USP38: variants seen among roughly 807,000 people sequenced by gnomAD.
USP38 encodes the protein ubiquitin specific peptidase 38.
Under a neutral mutation model 94.3 loss-of-function variants are expected in USP38, and 49 were observed. That is an observed-to-expected ratio of 0.52 (90% CI 0.41 to 0.66). The LOEUF is 0.66. Ranked by LOEUF, USP38 falls within the 30% of genes least tolerant of loss-of-function variation. The pLI is 0.00. For synonymous variants in USP38, 468 were observed against 463.6 expected, an observed-to-expected ratio of 1.01 and a Z score of -0.12; for missense variants, 1,128 against 1,229.4, an observed-to-expected ratio of 0.92 and a Z score of 1.23.
Position 143,220,416 on chromosome 4 carries a change from G to A in USP38, c.3089G>A (p.Gly1030Asp). The stretch of plus-strand genomic sequence containing the variant: ...AGCTGTGGACCAACTGGTGGAGGGG[G>A]TGGAGGAGGATTTAATACAGTTGGC... ...PGSCGPTGGG[G>D]GGGFNTVGRL... The change falls in exon 10 of 10, where the codon GGT becomes GAT. Residue 1030 changes from glycine to aspartate, a missense_variant. Coordinates refer to ENST00000307017, the MANE Select transcript of USP38 (RefSeq NM_032557.6). 2.5e-6 allele frequency: 4 copies of A among 1,613,192 alleles called. No homozygotes were observed. Among genetic ancestry groups the A allele is most frequent in the Middle Eastern group, 1.7e-4 (1 of 6,042 alleles).
chr4:143,194,786 G>A (rs910253165), intron 2 of USP38, among the ~76,000 whole-genome samples: 1 of 152,164 alleles, frequency 6.6e-6, no homozygotes, highest in African/African-American at 2.4e-5. Flanking sequence ...GAGATTACAG[G>A]CGTGAGCCAC....
rs1294959676 is a variant in USP38 at position 143,221,637 on chromosome 4, T to C, written c.*1181T>C. 3 of 152,146 alleles carry C rather than the reference T, an allele frequency of 2.0e-5. No individual in the cohort carries two copies. Among genetic ancestry groups the C allele is most frequent in the Non-Finnish European group, 4.4e-5 (3 of 67,984 alleles). 9.4% of individuals were successfully genotyped at this position (152,146 alleles called of 1,614,324 possible). On this transcript the variant is annotated 3_prime_UTR_variant, in exon 10 of 10. Transcript: ENST00000307017. The stretch of plus-strand genomic sequence containing the variant: ...TTCTTTTGCCAGGAAACTGGAAACA[T>C]GTCAGTTCTCCTGGTTCTTGATTAT...
chr4:143,188,671 G>GTCAT lies in USP38; in HGVS notation c.818+720_818+723dup, dbSNP rs576510828. Among the ~76,000 whole-genome samples the GTCAT allele has an allele frequency of 5.9e-4, 90 of 152,092 alleles. No homozygotes were observed. In the East Asian group the frequency reaches 0.016, roughly 26 times the overall value. ...CTTAGCACTTTGGCACTTTTATTCA[G>GTCAT]TCATTCATTCATTTATTCAAACCAC... On this transcript the variant is annotated intron_variant, in intron 2 of 9. Transcript: ENST00000307017.
At chr4:143,207,652 T>G (rs1018343022) in intron 6 of USP38, among the ~76,000 whole-genome samples, 3 of 126,246 alleles carry the variant, frequency 2.4e-5, no homozygotes, top group Non-Finnish European at 4.8e-5. Flanking sequence ...TTTTTTGGTT[T>G]GTTTGTATTT....
rs1483414261 is a variant in USP38 at position 143,203,578 on chromosome 4, G to A, written c.1209+12G>A. On this transcript the variant is annotated intron_variant, in intron 5 of 9. Transcript: ENST00000307017. Reference sequence around the variant, plus strand: ...TGGAGGCAATAAAGGTATGATGATAGTTGTACCAATATTTGTGGAGTTGTG... The same window carrying A: ...TGGAGGCAATAAAGGTATGATGATAATTGTACCAATATTTGTGGAGTTGTG... 3 of 1,601,200 alleles carry A rather than the reference G, an allele frequency of 1.9e-6. No homozygotes were observed. Among genetic ancestry groups the A allele is most frequent in the Non-Finnish European group, 2.6e-6 (3 of 1,176,068 alleles).
chr4:143,207,175 A>G (rs1444691953), intron 6 of USP38, among the ~76,000 whole-genome samples: 16 of 152,218 alleles, frequency 1.1e-4, no homozygotes, highest in Admixed American at 9.2e-4. Flanking sequence ...AACTTGCCCA[A>G]AGAGGTTTAC....
At chr4:143,188,312 A>G (rs560234095) in intron 2 of USP38, among the ~76,000 whole-genome samples, 2 of 151,964 alleles carry the variant, frequency 1.3e-5, no homozygotes, top group East Asian at 3.9e-4. Context: ...TTCCTTAGTA[A>G]GTATATACTT....
chr4:143,195,369 T>C (rs1044350453), intron 2 of USP38, among the ~76,000 whole-genome samples: 1 of 152,226 alleles, frequency 6.6e-6, no homozygotes, highest in Non-Finnish European at 1.5e-5. Context: ...ATGCAAATAA[T>C]TGAAAATCCA....
chr4:143,209,657 G>A lies in USP38; in HGVS notation c.1497G>A (p.Gln499=). The A allele has an allele frequency of 6.3e-7, 1 of 1,574,900 alleles. No individual in the cohort carries two copies. Among genetic ancestry groups the A allele is most frequent in the Non-Finnish European group, 8.7e-7 (1 of 1,146,606 alleles). The change falls in exon 7 of 10, where the codon CAG becomes CAA. Residue 499 remains glutamine, a splice_region_variant and synonymous_variant. Coordinates refer to ENST00000307017, the MANE Select transcript of USP38 (RefSeq NM_032557.6). The part of the protein sequence containing the change: ...QHLFAFLAHT[Q]REAYAPRIFF... ...TTTTTGCCTTTCTGGCCCATACACA[G>A]GTGAGTGTGTATGTGTATATAGTAC...
At chr4:143,219,262 A>G (rs1481836130) in intron 9 of USP38, among the ~76,000 whole-genome samples, 1 of 152,100 alleles carries the variant, frequency 6.6e-6, no homozygotes, top group African/African-American at 2.4e-5. Context: ...AAGATGCTGC[A>G]TGCTACTGAA....
At chr4:143,209,222 A>G (rs1453290937) in intron 6 of USP38, among the ~76,000 whole-genome samples, 2 of 152,188 alleles carry the variant, frequency 1.3e-5, no homozygotes, top group Non-Finnish European at 2.9e-5. Flanking sequence ...ATTTATTGTC[A>G]TTCTTCCCTT....
Position 143,206,104 on chromosome 4 carries a change from T to C in USP38, c.1281T>C (p.Asn427=), listed in dbSNP as rs1731857887. Reference sequence around the variant, plus strand: ...AAAGTGCCTGGACTTCTCAATCCAATTCTTTGGCGTCTTGCTTGTCTAGAC... The same window carrying C: ...AAAGTGCCTGGACTTCTCAATCCAACTCTTTGGCGTCTTGCTTGTCTAGAC... ...LNQSAWTSQS[N]SLASCLSRLS... Residue 427 remains asparagine (N), a synonymous_variant, in exon 6 of 10, where the codon AAT becomes AAC. Transcript: ENST00000307017. 6.2e-7 allele frequency: 1 copy of C among 1,613,652 alleles called. No individual in the cohort carries two copies. Among genetic ancestry groups the C allele is most frequent in the South Asian group, 1.1e-5 (1 of 91,008 alleles).
chr4:143,209,901 C>T (rs187143654), intron 7 of USP38, among the ~76,000 whole-genome samples: 16 of 152,114 alleles, frequency 1.1e-4, no homozygotes, highest in African/African-American at 3.4e-4. Context: ...CTGAATATTA[C>T]GCTGACCCAT....
intron 6 of USP38, 23 bp downstream of exon 6, chr4:143,206,249 T>C: frequency 6.6e-7 from 1 of 1,525,468 alleles, no homozygotes; most frequent in African/African-American, 1.4e-5. Flanking sequence ...TTGAATCTTT[T>C]CATTTTAACT....
chr4:143,209,557 C>G lies in USP38; in HGVS notation c.1404-7C>G. 6.7e-7 allele frequency: 1 copy of G among 1,488,570 alleles called. No individual in the cohort carries two copies. The highest frequency in any genetic ancestry group is 9.3e-7 in the Non-Finnish European group (1 of 1,073,216). The allele number at this position is 1,488,570 out of a possible 1,614,324, so 92.2% of individuals were successfully genotyped here. ...ACATATATATAAATCATTATATTCT[C>G]TTTCAGTTTCAGGAGACAAGTATTA... On this transcript the variant is annotated splice_region_variant and splice_polypyrimidine_tract_variant and intron_variant, in intron 6 of 9. Transcript: ENST00000307017.
chr4:143,217,622 A>G (rs1171986056), intron 9 of USP38, among the ~76,000 whole-genome samples: 6 of 152,164 alleles, frequency 3.9e-5, no homozygotes, highest in Non-Finnish European at 8.8e-5. Flanking sequence ...CAGATTAGAA[A>G]CTCACCTTGT....
intron 1 of USP38, among the ~76,000 whole-genome samples, chr4:143,186,884 CT>C (rs1371895169): frequency 6.6e-6 from 1 of 152,174 alleles, no homozygotes; most frequent in Non-Finnish European, 1.5e-5. Context: ...TTCCGCTCTA[CT>C]TGGTACAAGC....
intron 8 of USP38, among the ~76,000 whole-genome samples, chr4:143,212,984 A>G (rs1298405693): frequency 6.6e-6 from 1 of 152,150 alleles, no homozygotes; most frequent in Non-Finnish European, 1.5e-5. Flanking sequence ...AATAAATACA[A>G]CCCATGTAAA....
intron 2 of USP38, among the ~76,000 whole-genome samples, chr4:143,194,857 C>A (rs1418298847): frequency 6.6e-6 from 1 of 150,604 alleles, no homozygotes; most frequent in African/African-American, 2.4e-5. Context: ...TGGTAGAGAT[C>A]TAACTTTAGG....
Sources: gnomAD v4.1 joint callset for allele counts (sites outside exome capture counted in the v4.1 genomes callset) on GRCh38, gnomAD v4.1.1 for gene constraint, MANE v1.5 for transcripts, NCBI Gene and HGNC (gene_info 2026-07-23, HGNC 2026-07-21) for gene names.